DYM: variants seen among roughly 807,000 people sequenced by gnomAD.
DYM encodes the protein dyggve-Melchior-Clausen syndrome protein.
DYM carries 78 observed loss-of-function variants against 93.1 expected under a neutral mutation model. The ratio of observed to expected loss-of-function variants is 0.84; its 90% CI spans 0.70 to 1.01. DYM has a LOEUF of 1.01. Ranked by LOEUF, DYM falls within the 50% of genes least tolerant of loss-of-function variation. DYM has a pLI of 0.00. For missense variants in DYM, 789 were observed against 845.0 expected, an observed-to-expected ratio of 0.93 and a Z score of 0.82; for synonymous variants, 321 against 319.7, an observed-to-expected ratio of 1.00 and a Z score of -0.04.
At chr18:49,441,639 C>G (rs907728014) in intron 1 of DYM, among the ~76,000 whole-genome samples, 4 of 151,688 alleles carry the variant, frequency 2.6e-5, no homozygotes, top group African/African-American at 4.8e-5. Flanking sequence ...AAGATCAGAT[C>G]AAGGGAAGTG....
chr18:49,436,186 T>A (rs985291304), intron 1 of DYM, among the ~76,000 whole-genome samples: 11 of 152,076 alleles, frequency 7.2e-5, no homozygotes, highest in African/African-American at 1.7e-4. Context: ...CTAACTTTTT[T>A]AAATTTTTTA....
At chr18:49,357,002 G>T (rs1303573266) in intron 6 of DYM, among the ~76,000 whole-genome samples, 1 of 152,104 alleles carries the variant, frequency 6.6e-6, no homozygotes, top group Non-Finnish European at 1.5e-5. Flanking sequence ...TAACATTTGA[G>T]TCTTTGCTAC....
At chr18:49,243,477 C>T (rs1045464789) in intron 13 of DYM, among the ~76,000 whole-genome samples, 1 of 151,798 alleles carries the variant, frequency 6.6e-6, no homozygotes, top group Admixed American at 6.6e-5. Context: ...CCAGCCTGGC[C>T]AACATTGTAA....
chr18:49,285,472 C>T (rs1020851662), intron 9 of DYM, among the ~76,000 whole-genome samples: 1 of 152,174 alleles, frequency 6.6e-6, no homozygotes, highest in African/African-American at 2.4e-5. Flanking sequence ...CAAAGTGATT[C>T]CATGTGATTA....
intron 3 of DYM, chr18:49,390,641 G>A (rs2069135182): frequency 6.6e-6 from 1 of 151,920 alleles, no homozygotes; most frequent in East Asian, 1.9e-4. Context: ...CAAGTAGCTG[G>A]GATTACAGGC....
intron 3 of DYM, among the ~76,000 whole-genome samples, chr18:49,389,701 T>C (rs1459209153): frequency 6.6e-6 from 1 of 151,832 alleles, no homozygotes. Flanking sequence ...GGGTAAGATG[T>C]AGATTTTGTA....
chr18:49,304,869 T>TA (rs1179602095), intron 8 of DYM, among the ~76,000 whole-genome samples: 2 of 152,124 alleles, frequency 1.3e-5, no homozygotes, highest in African/African-American at 4.8e-5. Context: ...ACACAGCCTC[T>TA]AAGTCCTTGA....
intron 1 of DYM, among the ~76,000 whole-genome samples, chr18:49,448,613 A>G (rs1275743738): frequency 2.6e-5 from 4 of 152,138 alleles, no homozygotes; most frequent in African/African-American, 9.7e-5. Flanking sequence ...ATGTTCAACA[A>G]GGTGCCTGGG....
chr18:49,103,906 G>A (rs1456075642), intron 16 of DYM, among the ~76,000 whole-genome samples: 2 of 150,494 alleles, frequency 1.3e-5, no homozygotes, highest in Non-Finnish European at 3.0e-5. Flanking sequence ...CTCTTTTTTG[G>A]TTCCATATGA....
At chr18:49,080,993 G>C (rs1179945542) in intron 17 of DYM, among the ~76,000 whole-genome samples, 2 of 150,784 alleles carry the variant, frequency 1.3e-5, no homozygotes, top group African/African-American at 4.9e-5. Context: ...GATGGCGGCC[G>C]GGCAGAGACG....
chr18:49,093,686 G>C (rs2079285978), intron 17 of DYM, among the ~76,000 whole-genome samples: 1 of 152,140 alleles, frequency 6.6e-6, no homozygotes, highest in Non-Finnish European at 1.5e-5. Flanking sequence ...AGGCAGAAGA[G>C]AGTGACTGTG....
chr18:49,143,485 G>A (rs541378976), intron 15 of DYM, among the ~76,000 whole-genome samples: 1 of 152,152 alleles, frequency 6.6e-6, no homozygotes, highest in South Asian at 2.1e-4. Context: ...AAGTACTTTC[G>A]ATGCAGTATT....
intron 10 of DYM, among the ~76,000 whole-genome samples, chr18:49,278,503 C>T (rs2094899608): frequency 6.6e-6 from 1 of 152,088 alleles, no homozygotes. Flanking sequence ...AAGATCCCTT[C>T]CTTAAGGAAC....
chr18:49,305,052 T>C (rs1241360049), intron 8 of DYM, among the ~76,000 whole-genome samples: 3 of 152,144 alleles, frequency 2.0e-5, no homozygotes, highest in Non-Finnish European at 4.4e-5. Flanking sequence ...CTGACTCAAA[T>C]AGTTTTTGAC....
intron 1 of DYM, among the ~76,000 whole-genome samples, chr18:49,450,107 T>A (rs2082397354): frequency 6.6e-6 from 1 of 152,230 alleles, no homozygotes; most frequent in Non-Finnish European, 1.5e-5. Context: ...GCTAAAGGTT[T>A]AAGCAAGTTA....
At chr18:49,421,876 G>A (rs572680115) in intron 2 of DYM, among the ~76,000 whole-genome samples, 79 of 152,304 alleles carry the variant, frequency 5.2e-4, no homozygotes, top group East Asian at 1.9e-3. Flanking sequence ...TTCAGTAGCC[G>A]ATTCAATCAA....
chr18:49,169,403 C>T (rs1457662468), intron 14 of DYM, among the ~76,000 whole-genome samples: 1 of 152,186 alleles, frequency 6.6e-6, no homozygotes, highest in Admixed American at 6.5e-5. Context: ...AACAGCACTG[C>T]ACGTGCATCA....
intron 15 of DYM, among the ~76,000 whole-genome samples, chr18:49,126,680 A>G (rs2143901469): frequency 6.6e-6 from 1 of 152,330 alleles, no homozygotes; most frequent in African/African-American, 2.4e-5. Flanking sequence ...TAAATTTTAA[A>G]TGAGGCAGCA....
chr18:49,369,009 T>G (rs147599895), intron 5 of DYM, among the ~76,000 whole-genome samples: 372 of 152,382 alleles, frequency 2.4e-3, no homozygotes, highest in African/African-American at 8.4e-3. Flanking sequence ...CAATGCTGAC[T>G]GAAAGCGCGG....
Sources: allele counts gnomAD v4.1 joint callset (sites outside exome capture counted in the v4.1 genomes callset), GRCh38; gene constraint gnomAD v4.1.1; transcripts MANE v1.5; gene names NCBI Gene and HGNC (gene_info 2026-07-23, HGNC 2026-07-21).